The following PTPRT variants were observed in gnomAD, a reference collection of about 807,000 sequenced individuals.
PTPRT encodes the protein protein tyrosine phosphatase receptor type T.
In PTPRT, 56 loss-of-function variants were observed where a neutral mutation model predicts 176.8. The ratio of observed to expected loss-of-function variants is 0.32; its 90% CI spans 0.26 to 0.40. PTPRT has a LOEUF of 0.40. Ranked by LOEUF, PTPRT falls within the 10% of genes least tolerant of loss-of-function variation. The pLI, the probability that PTPRT is intolerant of heterozygous loss-of-function variation, is 1.00. For synonymous variants in PTPRT, 783 were observed against 739.0 expected (o/e 1.06, Z -0.96); for missense variants, 1,540 against 1,908.2 (o/e 0.81, Z 3.60).
chr20:43,006,174 G>C (rs1355035988), intron 1 of PTPRT, among the ~76,000 whole-genome samples: 1 of 152,126 alleles, frequency 6.6e-6, no homozygotes, highest in Admixed American at 6.5e-5. Flanking sequence ...TTGACATTGA[G>C]CAAGAGGATA....
intron 1 of PTPRT, among the ~76,000 whole-genome samples, chr20:43,166,344 C>A (rs932842202): frequency 6.6e-6 from 1 of 151,214 alleles, no homozygotes; most frequent in African/African-American, 2.4e-5. Context: ...AAAAAAAAAC[C>A]CTCTATGGAT....
At chr20:43,141,239 CACCACTTATTT>C (rs1451518642) in intron 1 of PTPRT, among the ~76,000 whole-genome samples, 33 of 152,320 alleles carry the variant, frequency 2.2e-4, no homozygotes, top group Middle Eastern at 6.8e-3. Flanking sequence ...TTCAAATCGC[CACCACTTATTT>C]ACCTTATGAT....
chr20:42,911,688 T>C (rs959708844), intron 1 of PTPRT, among the ~76,000 whole-genome samples: 1 of 152,176 alleles, frequency 6.6e-6, no homozygotes, highest in African/African-American at 2.4e-5. Flanking sequence ...CCAAATAATT[T>C]GAGGAAAATT....
intron 2 of PTPRT, among the ~76,000 whole-genome samples, chr20:42,868,863 G>A (rs532531977): frequency 6.6e-5 from 10 of 152,112 alleles, no homozygotes; most frequent in African/African-American, 1.2e-4. Flanking sequence ...CTCAGCACTC[G>A]CTGCTCTGTG....
At position 42,271,781 on chromosome 20, in the gene PTPRT, G is replaced by C. The variant is rs558834467; in HGVS notation, c.2176+10708C>G. Among the ~76,000 whole-genome samples the C allele has an allele frequency of 4.7e-4, 71 of 152,240 alleles. 2 individuals are homozygous for C. The highest frequency in any genetic ancestry group is 3.4e-3 in the Middle Eastern group (1 of 294). On this transcript the variant is annotated intron_variant, in intron 13 of 30. Coordinates refer to ENST00000373187, the MANE Select transcript of PTPRT (RefSeq NM_007050.6). The stretch of plus-strand genomic sequence containing the variant: ...TACAAAAGGTTGAAAGGTGTTTTAG[G>C]CTTGTCCAGGGACTGCAGCTTTCTC...
chr20:42,572,771 C>T (rs2073179386), intron 7 of PTPRT, among the ~76,000 whole-genome samples: 1 of 152,170 alleles, frequency 6.6e-6, no homozygotes, highest in Non-Finnish European at 1.5e-5. Flanking sequence ...TGAACTTTCA[C>T]AAACTGAACA....
At chr20:42,273,285 G>A (rs982748748) in intron 13 of PTPRT, among the ~76,000 whole-genome samples, 9 of 152,006 alleles carry the variant, frequency 5.9e-5, no homozygotes, top group African/African-American at 4.8e-5. Context: ...GCATGATCTC[G>A]GCTCACTGCA....
chr20:42,063,195 G>A, the PTPRT span, among the ~76,000 whole-genome samples: 1 of 152,140 alleles, frequency 6.6e-6, no homozygotes, highest in African/African-American at 2.4e-5. Context: ...TGGTTTTTGT[G>A]ACGAGGGCAT....
intron 7 of PTPRT, among the ~76,000 whole-genome samples, chr20:42,575,555 C>T (rs2073243167): frequency 6.6e-6 from 1 of 152,164 alleles, no homozygotes; most frequent in African/African-American, 2.4e-5. Context: ...TTGCACCTAA[C>T]CCAGGGGCAG....
Position 42,091,805 on chromosome 20 carries a change from G to C in PTPRT, c.3847-5952C>G, listed in dbSNP as rs981498009. On this transcript the variant is annotated intron_variant, in intron 27 of 30. Coordinates refer to ENST00000373187, the MANE Select transcript of PTPRT (RefSeq NM_007050.6). ...AGAGGGAGAAAGAGAGGGAGAGAGA[G>C]GGGGGAGAGAGAGAGAGATTCACAC... 2.6e-5 allele frequency among the ~76,000 whole-genome samples: 4 copies of C among 152,106 alleles called. No homozygotes were observed. In the South Asian group the frequency reaches 6.2e-4, roughly 24 times the overall value.
At chr20:42,177,740 G>C (rs965441624) in intron 16 of PTPRT, among the ~76,000 whole-genome samples, 3 of 151,986 alleles carry the variant, frequency 2.0e-5, no homozygotes, top group Non-Finnish European at 2.9e-5. Context: ...ACCATTTTAT[G>C]GGGGGGCAGG....
chr20:42,190,466 G>A (rs1008337118), intron 16 of PTPRT, among the ~76,000 whole-genome samples: 13 of 152,142 alleles, frequency 8.5e-5, no homozygotes, highest in African/African-American at 3.1e-4. Context: ...CCAGGGAGGT[G>A]AGCTAGAGCC....
chr20:42,873,453 G>A (rs750709500), intron 2 of PTPRT, among the ~76,000 whole-genome samples: 1 of 152,166 alleles, frequency 6.6e-6, no homozygotes, highest in Admixed American at 6.5e-5. Context: ...CCTGTTGGTG[G>A]GAATACAAGT....
chr20:42,862,108 A>AC (rs2078672856), intron 2 of PTPRT, among the ~76,000 whole-genome samples: 1 of 152,146 alleles, frequency 6.6e-6, no homozygotes, highest in Non-Finnish European at 1.5e-5. Context: ...ACAACATTTT[A>AC]CCCTTTTTTT....
In PTPRT at chr20:42,863,429, G is replaced by A. The variant is rs1254684903; in HGVS notation, c.214+22378C>T. Among the ~76,000 whole-genome samples, 5 of 152,312 alleles carry A rather than the reference G, an allele frequency of 3.3e-5. No homozygotes were observed. In the South Asian group the frequency reaches 6.2e-4, roughly 19 times the overall value. Reference sequence around the variant, plus strand: ...GTGACTATCTAGAAATGAGAGCAGGGAAGGATGGTCTAGCCTTGTATTTGG... The same window carrying A: ...GTGACTATCTAGAAATGAGAGCAGGAAAGGATGGTCTAGCCTTGTATTTGG... On this transcript the variant is annotated intron_variant, in intron 2 of 30. Transcript: ENST00000373187.
chr20:42,963,112 T>C (rs1270394648), intron 1 of PTPRT, among the ~76,000 whole-genome samples: 1 of 152,014 alleles, frequency 6.6e-6, no homozygotes, highest in Non-Finnish European at 1.5e-5. Context: ...AGCAGGAGAA[T>C]GGCGTGAACC....
intron 1 of PTPRT, among the ~76,000 whole-genome samples, chr20:42,923,549 T>C (rs951250615): frequency 2.6e-5 from 4 of 152,212 alleles, no homozygotes; most frequent in African/African-American, 9.6e-5. Flanking sequence ...CAACACACTT[T>C]TCACACGTAT....
chr20:42,528,980 A>T (rs2145530313), intron 7 of PTPRT, among the ~76,000 whole-genome samples: 1 of 152,338 alleles, frequency 6.6e-6, no homozygotes, highest in South Asian at 2.1e-4. Context: ...TGACCGTGTC[A>T]ACTATCAGTT....
chr20:42,665,015 A>T (rs1000254135), intron 7 of PTPRT, among the ~76,000 whole-genome samples: 2 of 152,294 alleles, frequency 1.3e-5, no homozygotes, highest in South Asian at 2.1e-4. Context: ...AACCTAGGCA[A>T]TACCATTCAG....
Sources: gnomAD v4.1 joint callset for allele counts (sites outside exome capture counted in the v4.1 genomes callset) on GRCh38, gnomAD v4.1.1 for gene constraint, MANE v1.5 for transcripts, NCBI Gene and HGNC (gene_info 2026-07-23, HGNC 2026-07-21) for gene names.